Variants in EPS15L1 observed in about 807,000 individuals in gnomAD.
EPS15L1 encodes the protein epidermal growth factor receptor substrate 15-like 1.
EPS15L1 carries 43 observed loss-of-function variants against 117.1 expected under a neutral mutation model. The observed-to-expected ratio is 0.37, with a 90% CI of 0.29 to 0.47. The LOEUF (loss-of-function observed/expected upper bound fraction) is 0.47. Among genes scored for constraint, EPS15L1 ranks in the 20% least tolerant of loss-of-function variants. EPS15L1 has a pLI of 0.99. For synonymous variants in EPS15L1, 459 were observed against 470.5 expected, an observed-to-expected ratio of 0.98 and a Z score of 0.32; for missense variants, 981 against 1,164.0, an observed-to-expected ratio of 0.84 and a Z score of 2.29.
chr19:16,361,631 G>A, intron 23 of EPS15L1, 148 bp downstream of exon 23: 3 of 1,384,408 alleles, frequency 2.2e-6, no homozygotes, highest in Non-Finnish European at 2.8e-6. Flanking sequence ...AAGTGGCAGT[G>A]TAGAATAAAT....
intron 1 of EPS15L1, among the ~76,000 whole-genome samples, chr19:16,461,843 T>C (rs1008510397): frequency 6.6e-6 from 1 of 152,176 alleles, no homozygotes; most frequent in South Asian, 2.1e-4. Flanking sequence ...TGCCTGTTTC[T>C]TCACCCAAGA....
intron 1 of EPS15L1, among the ~76,000 whole-genome samples, chr19:16,451,529 A>G (rs970281069): frequency 4.0e-5 from 6 of 150,606 alleles, no homozygotes; most frequent in African/African-American, 1.5e-4. Flanking sequence ...TATTTATTTT[A>G]TTTTTTTTAT....
chr19:16,371,351 G>A lies in EPS15L1; in HGVS notation c.2380+5771C>T, dbSNP rs1159127746. Among the ~76,000 whole-genome samples, 1 of 152,130 alleles carries A rather than the reference G, an allele frequency of 6.6e-6. No homozygotes were observed. Among genetic ancestry groups the A allele is most frequent in the Non-Finnish European group, 1.5e-5 (1 of 68,016 alleles). ...TGGATGCCACACACAGGTACGGGAG[G>A]GGCTTGTTTGCAAGGGGAAGAATGA... On this transcript the variant is annotated intron_variant, in intron 22 of 23. Coordinates refer to ENST00000455140, the MANE Select transcript of EPS15L1 (RefSeq NM_001258374.3). The surrounding 1 kb of genome is among the most constrained non-coding windows in gnomAD (Gnocchi z 4.7).
intron 4 of EPS15L1, among the ~76,000 whole-genome samples, chr19:16,439,184 T>G (rs2093006083): frequency 6.6e-6 from 1 of 152,094 alleles, no homozygotes; most frequent in Non-Finnish European, 1.5e-5. Context: ...AGGATCGGCC[T>G]TTCTCAGCCT....
At position 16,404,440 on chromosome 19, in the gene EPS15L1, G is replaced by A; in HGVS notation, c.1428+148C>T. ...CAGGAAGTCAAGCCACAGGTGCTTG[G>A]ACACTTTTCCACGTGGTGTTTGGAG... On this transcript the variant is annotated intron_variant, in intron 14 of 23. Coordinates refer to ENST00000455140, the MANE Select transcript of EPS15L1 (RefSeq NM_001258374.3). The surrounding 1 kb of genome is among the most constrained non-coding windows in gnomAD (Gnocchi z 4.2). The A allele has an allele frequency of 1.1e-6, 1 of 890,596 alleles. No homozygotes were observed. Among genetic ancestry groups the A allele is most frequent in the Non-Finnish European group, 1.7e-6 (1 of 594,074 alleles). The allele number at this position is 890,596 out of a possible 1,614,324, so 55.2% of individuals were successfully genotyped here.
At chr19:16,452,433 T>G (rs2093154452) in intron 1 of EPS15L1, among the ~76,000 whole-genome samples, 2 of 141,456 alleles carry the variant, frequency 1.4e-5, no homozygotes, top group Non-Finnish European at 1.5e-5. Context: ...GCAACAGGAG[T>G]GAAATTCCAT....
intron 12 of EPS15L1, 83 bp downstream of exon 12, chr19:16,417,469 G>C: frequency 8.3e-7 from 1 of 1,199,048 alleles, no homozygotes. Flanking sequence ...AAACTTCCAG[G>C]TGAGCCTCTG....
chr19:16,436,387 CT>C (rs1313425254), intron 6 of EPS15L1, among the ~76,000 whole-genome samples: 9 of 152,098 alleles, frequency 5.9e-5, no homozygotes, highest in African/African-American at 2.2e-4. Context: ...TTTCTTCTTT[CT>C]GGACGCAGTA....
chr19:16,444,338 C>T (rs970959192), intron 1 of EPS15L1, among the ~76,000 whole-genome samples: 1 of 152,102 alleles, frequency 6.6e-6, no homozygotes, highest in Non-Finnish European at 1.5e-5. Context: ...GCAACAGCAG[C>T]CCCAAGATGG....
chr19:16,439,479 C>T (rs987737991), intron 4 of EPS15L1, among the ~76,000 whole-genome samples: 22 of 152,008 alleles, frequency 1.4e-4, no homozygotes, highest in African/African-American at 5.3e-4. Flanking sequence ...ATTGCTTGAG[C>T]ACAGGAGTTT....
chr19:16,400,682 G>T (rs1004865259), intron 16 of EPS15L1: 1 of 985,202 alleles, frequency 1.0e-6, no homozygotes. Flanking sequence ...TTTTTCTTTC[G>T]GATGCCAGTT....
chr19:16,411,605 G>T (rs187437117), intron 13 of EPS15L1, among the ~76,000 whole-genome samples: 44 of 152,288 alleles, frequency 2.9e-4, no homozygotes, highest in African/African-American at 1.0e-3. Flanking sequence ...CTTCAGATTG[G>T]TATTAAAATT....
At chr19:16,386,033 G>T in intron 20 of EPS15L1, 138 bp downstream of exon 20, 1 of 695,250 alleles carries the variant, frequency 1.4e-6, no homozygotes, top group Non-Finnish European at 2.5e-6. Context: ...AATGGGCTCA[G>T]GCCAGGATCT....
At chr19:16,445,697 C>T (rs575260353) in intron 1 of EPS15L1, among the ~76,000 whole-genome samples, 1 of 152,310 alleles carries the variant, frequency 6.6e-6, no homozygotes, top group African/African-American at 2.4e-5. Context: ...GGAAAGAGCC[C>T]TCTGTATGCT....
At chr19:16,395,152 G>A (rs1214516902) in intron 17 of EPS15L1, among the ~76,000 whole-genome samples, 192 bp downstream of exon 17, 3 of 146,462 alleles carry the variant, frequency 2.0e-5, no homozygotes, top group African/African-American at 7.7e-5. Flanking sequence ...CCGAGATTGC[G>A]CCACTGCATT....
chr19:16,450,486 T>TC (rs2093130166), intron 1 of EPS15L1, among the ~76,000 whole-genome samples: 1 of 147,904 alleles, frequency 6.8e-6, no homozygotes, highest in Admixed American at 6.7e-5. Context: ...TCTTTTTTTT[T>TC]TTTTTTTTTT....
At chr19:16,380,474 A>G (rs2092348604) in intron 21 of EPS15L1, among the ~76,000 whole-genome samples, 1 of 152,120 alleles carries the variant, frequency 6.6e-6, no homozygotes, top group Non-Finnish European at 1.5e-5. Context: ...GTCTAGTCAC[A>G]CAGACATGGC....
chr19:16,377,667 C>A (rs2092313059), intron 21 of EPS15L1, among the ~76,000 whole-genome samples: 1 of 152,222 alleles, frequency 6.6e-6, no homozygotes, highest in Non-Finnish European at 1.5e-5. Context: ...TTGGCACATG[C>A]CCTGGTGTGC....
chr19:16,445,999 T>C (rs971758826), intron 1 of EPS15L1, among the ~76,000 whole-genome samples: 1 of 152,228 alleles, frequency 6.6e-6, no homozygotes, highest in Non-Finnish European at 1.5e-5. Context: ...TTGCTCTTCC[T>C]AACTCAAAAT....
Sources: gnomAD v4.1 joint callset for allele counts (sites outside exome capture counted in the v4.1 genomes callset) on GRCh38, gnomAD v4.1.1 for gene constraint, Gnocchi (gnomAD v3.1) non-coding constraint, MANE v1.5 for transcripts, NCBI Gene and HGNC (gene_info 2026-07-23, HGNC 2026-07-21) for gene names.